Variants in GLIS3 observed in about 807,000 individuals in gnomAD.
GLIS3 encodes the protein GLIS family zinc finger 3, also known as zinc finger protein GLIS3.
GLIS3 carries 53 observed loss-of-function variants against 78.6 expected under a neutral mutation model. The observed-to-expected ratio is 0.67, with a 90% CI of 0.54 to 0.85. The LOEUF (loss-of-function observed/expected upper bound fraction) is 0.85. Ranked by LOEUF, GLIS3 falls within the 40% of genes least tolerant of loss-of-function variation. The probability of loss-of-function intolerance (pLI) is 0.00; values close to 1 mark genes in which losing one functional copy is unlikely to be tolerated. For missense variants in GLIS3, 1,703 were observed against 1,231.1 expected (o/e 1.38, Z -5.74); for synonymous variants, 684 against 509.9 (o/e 1.34, Z -4.60).
chr9:4,440,779 C>G, the GLIS3 span, among the ~76,000 whole-genome samples: 1 of 152,148 alleles, frequency 6.6e-6, no homozygotes, highest in Non-Finnish European at 1.5e-5. Flanking sequence ...ATTAATTCTT[C>G]TAATTCATGC....
At chr9:4,325,993 C>T (rs761431261) in intron 2 of GLIS3, among the ~76,000 whole-genome samples, 5 of 152,058 alleles carry the variant, frequency 3.3e-5, no homozygotes, top group Non-Finnish European at 7.4e-5. Flanking sequence ...TAAGTGGGAG[C>T]TGAATGATGA....
chr9:3,849,686 T>G (rs1588082176), intron 9 of GLIS3, among the ~76,000 whole-genome samples: 1 of 152,040 alleles, frequency 6.6e-6, no homozygotes, highest in African/African-American at 2.4e-5. Flanking sequence ...GGCGGGTGGA[T>G]CACTTGAGGT....
chr9:4,333,238 G>GAGGGGAAGTAAAGGAAA lies in GLIS3; in HGVS notation n.264+13842_264+13843insTTTCCTTTACTTCCCCT, dbSNP rs71324300. 2.1e-5 allele frequency among the ~76,000 whole-genome samples: 3 copies of GAGGGGAAGTAAAGGAAA among 145,308 alleles called. No homozygotes were observed. The East Asian group carries it at 6.2e-4, about 30-fold the overall frequency. On this transcript the variant is annotated intron_variant and non_coding_transcript_variant, in intron 2 of 4. Transcript: ENST00000471664. ...TGAAAAGGGAAGGGAAGGAAAAGTG[G>GAGGGGAAGTAAAGGAAA]AGGGGAAGGAAAGGAAAGAAAAATG...
chr9:3,832,876 A>G (rs930165109), intron 9 of GLIS3, among the ~76,000 whole-genome samples: 1 of 152,226 alleles, frequency 6.6e-6, no homozygotes, highest in Admixed American at 6.5e-5. Context: ...AAATAGGGAC[A>G]TTAATCATTC....
chr9:3,897,128 T>C (rs754644210), intron 7 of GLIS3, among the ~76,000 whole-genome samples: 1 of 152,302 alleles, frequency 6.6e-6, no homozygotes, highest in African/African-American at 2.4e-5. Flanking sequence ...ATGTTTTCCA[T>C]AGATATGGAT....
intron 4 of GLIS3, among the ~76,000 whole-genome samples, chr9:3,960,061 G>A (rs769498353): frequency 3.5e-4 from 53 of 152,098 alleles, no homozygotes; most frequent in African/African-American, 1.1e-3. Context: ...TGCTTGAACC[G>A]AGGAGGCGGA....
intron 2 of GLIS3, among the ~76,000 whole-genome samples, chr9:4,171,559 T>G (rs1442799443): frequency 6.6e-6 from 1 of 152,226 alleles, no homozygotes; most frequent in Non-Finnish European, 1.5e-5. Context: ...TTCTTGCTGG[T>G]TGATTTCGTT....
intron 2 of GLIS3, among the ~76,000 whole-genome samples, chr9:4,262,459 T>G (rs1825618191): frequency 6.6e-6 from 1 of 152,094 alleles, no homozygotes; most frequent in Admixed American, 6.5e-5. Context: ...TTCTCAAATG[T>G]TCTCAGTCCA....
chr9:4,371,480 T>C, the GLIS3 span, among the ~76,000 whole-genome samples: 5 of 152,304 alleles, frequency 3.3e-5, no homozygotes, highest in South Asian at 2.1e-4. Flanking sequence ...TACTCGAAGG[T>C]TGGAGTCTTG....
intron 2 of GLIS3, among the ~76,000 whole-genome samples, chr9:4,337,619 G>C (rs1165200719): frequency 6.6e-6 from 1 of 152,082 alleles, no homozygotes; most frequent in African/African-American, 2.4e-5. Flanking sequence ...TGCTGAGTTG[G>C]ACAAGGGCCT....
intron 2 of GLIS3, among the ~76,000 whole-genome samples, chr9:4,183,281 G>C (rs1051588837): frequency 2.6e-5 from 4 of 152,116 alleles, no homozygotes; most frequent in Non-Finnish European, 5.9e-5. Flanking sequence ...GGTCACTTCA[G>C]CCATAAGAGT....
chr9:4,437,360 C>A, the GLIS3 span, among the ~76,000 whole-genome samples: 1 of 151,950 alleles, frequency 6.6e-6, no homozygotes, highest in Non-Finnish European at 1.5e-5. Context: ...TTGTTTTATT[C>A]TTTTTACATA....
chr9:4,146,710 C>G (rs896116781), intron 2 of GLIS3, among the ~76,000 whole-genome samples: 2 of 152,198 alleles, frequency 1.3e-5, no homozygotes, highest in African/African-American at 4.8e-5. Context: ...CCTGAATAAA[C>G]TTCATCTCAA....
chr9:4,283,400 G>A (rs1357743707), intron 2 of GLIS3, among the ~76,000 whole-genome samples: 1 of 151,818 alleles, frequency 6.6e-6, no homozygotes, highest in Non-Finnish European at 1.5e-5. Flanking sequence ...CGAGTAGCTG[G>A]GATTACAGGC....
intron 2 of GLIS3, among the ~76,000 whole-genome samples, chr9:4,328,244 A>T (rs962996194): frequency 9.2e-5 from 14 of 152,272 alleles, no homozygotes; most frequent in Middle Eastern, 3.4e-3. Flanking sequence ...AACCATCTCC[A>T]TGCCTCCTTT....
At chr9:4,035,212 C>A (rs1362552385) in intron 4 of GLIS3, among the ~76,000 whole-genome samples, 4 of 152,098 alleles carry the variant, frequency 2.6e-5, no homozygotes, top group African/African-American at 9.7e-5. Flanking sequence ...CCTTTTATGG[C>A]AAATGTTATC....
chr9:3,931,292 A>G (rs1223277779), intron 6 of GLIS3, among the ~76,000 whole-genome samples: 1 of 152,160 alleles, frequency 6.6e-6, no homozygotes, highest in African/African-American at 2.4e-5. Context: ...GAAGAAAAAA[A>G]AAATCTCAAG....
chr9:4,428,992 C>T, the GLIS3 span, among the ~76,000 whole-genome samples: 1 of 152,144 alleles, frequency 6.6e-6, no homozygotes, highest in Admixed American at 6.5e-5. Context: ...AAAACCTCAT[C>T]CTAGTTCAAA....
intron 4 of GLIS3, among the ~76,000 whole-genome samples, chr9:3,953,791 CTCTCTATATATATATA>C (rs1200820437): frequency 2.7e-4 from 13 of 48,002 alleles, no homozygotes; most frequent in Non-Finnish European, 4.6e-4. Context: ...CTCTCTCTCT[CTCTCTATATATATATA>C]TATATATATA....
Sources: allele counts gnomAD v4.1 joint callset (sites outside exome capture counted in the v4.1 genomes callset), GRCh38; gene constraint gnomAD v4.1.1; transcripts MANE v1.5; gene names NCBI Gene and HGNC (gene_info 2026-07-23, HGNC 2026-07-21).